ZDHHC15: variants seen among roughly 807,000 people sequenced by gnomAD.
The protein encoded by ZDHHC15 is zDHHC palmitoyltransferase 15, also known as palmitoyltransferase ZDHHC15.
Under a neutral mutation model 31.7 loss-of-function variants are expected in ZDHHC15, and 19 were observed. The ratio of observed to expected loss-of-function variants is 0.60; its 90% confidence interval spans 0.42 to 0.88. The LOEUF is 0.88. Among genes scored for constraint, ZDHHC15 ranks in the 40% least tolerant of loss-of-function variants. The pLI, the probability that ZDHHC15 is intolerant of heterozygous loss-of-function variation, is 0.00. For synonymous variants in ZDHHC15, 103 were observed against 90.0 expected (o/e 1.14, Z -0.82); for missense variants, 209 against 251.2 (o/e 0.83, Z 1.14).
At chrX:75,430,531 T>C (rs1479693125) in intron 5 of ZDHHC15, among the ~76,000 whole-genome samples, 1 of 111,809 alleles carries the variant, frequency 8.9e-6, no homozygotes, top group Non-Finnish European at 1.9e-5. Flanking sequence ...ATTGAATAAA[T>C]AAATAAATGA....
intron 3 of ZDHHC15, among the ~76,000 whole-genome samples, chrX:75,455,475 A>G (rs1359782097): frequency 8.9e-6 from 1 of 112,095 alleles, no homozygotes; most frequent in African/African-American, 3.2e-5. Flanking sequence ...CTTCGTGACT[A>G]AAACACCAAA....
intron 11 of ZDHHC15, among the ~76,000 whole-genome samples, chrX:75,377,304 C>T (rs1309344948): frequency 9.1e-6 from 1 of 110,380 alleles, no homozygotes; most frequent in African/African-American, 3.3e-5. Flanking sequence ...AGACACCAGC[C>T]TGGCCAACAG....
chrX:75,495,590 A>T (rs1456795989), intron 2 of ZDHHC15, among the ~76,000 whole-genome samples: 1 of 111,026 alleles, frequency 9.0e-6, no homozygotes, highest in African/African-American at 3.3e-5. Context: ...ACCATGGAAT[A>T]CCATGCAGCC....
intron 4 of ZDHHC15, among the ~76,000 whole-genome samples, chrX:75,444,803 A>G (rs1453101191): frequency 9.5e-6 from 1 of 104,981 alleles, no homozygotes; most frequent in Non-Finnish European, 1.9e-5. Context: ...TATATCCGTT[A>G]TAAAAAAAAA....
In ZDHHC15 at chrX:75,371,067, G is replaced by T. The variant is rs2083002315; in HGVS notation, c.*1911C>A. On this transcript the variant is annotated 3_prime_UTR_variant, in exon 12 of 12. Transcript: ENST00000373367. ...AGCTGCTCTGCCTGAATGCTTGGCAGAAGATGATTGATGGGAAAGAGGAAG... is the reference window on the plus strand; with the variant it reads ...AGCTGCTCTGCCTGAATGCTTGGCATAAGATGATTGATGGGAAAGAGGAAG... The T allele has an allele frequency of 9.0e-6, 1 of 111,633 alleles. No homozygotes were observed. Among genetic ancestry groups the T allele is most frequent in the African/African-American group, 3.3e-5 (1 of 30,713 alleles). The allele number at this position is 111,633 out of a possible 1,213,427, so 9.2% of individuals were successfully genotyped here. A position where few individuals can be genotyped will look rare whatever the true frequency, so the allele number is the denominator to read the frequency against.
chrX:75,453,822 T>C (rs186227054), intron 3 of ZDHHC15, among the ~76,000 whole-genome samples: 23 of 111,590 alleles, frequency 2.1e-4, no homozygotes, highest in Non-Finnish European at 4.0e-4. Flanking sequence ...GCAAAGGCCT[T>C]TGACAAAATT....
At chrX:75,440,286 T>A (rs780501667) in intron 4 of ZDHHC15, among the ~76,000 whole-genome samples, 1 of 111,293 alleles carries the variant, frequency 9.0e-6, no homozygotes, top group African/African-American at 3.3e-5. Flanking sequence ...TTTTCCTTTT[T>A]TTTTTGAGAT....
At chrX:75,436,119 T>G (rs2083848297) in intron 4 of ZDHHC15, among the ~76,000 whole-genome samples, 1 of 111,534 alleles carries the variant, frequency 9.0e-6, no homozygotes, top group South Asian at 3.8e-4. Flanking sequence ...AATTTTCTAG[T>G]TTGTGCCCAC....
At chrX:75,459,565 A>C (rs1277007915) in intron 3 of ZDHHC15, among the ~76,000 whole-genome samples, 2 of 111,342 alleles carry the variant, frequency 1.8e-5, no homozygotes, top group Non-Finnish European at 3.8e-5. Context: ...GGCTGCTTCT[A>C]TAAGCAGGAC....
At chrX:75,458,013 C>T (rs899368105) in intron 3 of ZDHHC15, among the ~76,000 whole-genome samples, 5 of 110,749 alleles carry the variant, frequency 4.5e-5, no homozygotes, top group East Asian at 2.8e-4. Flanking sequence ...TATTTATATG[C>T]CAAAAGACAT....
At chrX:75,442,516 G>A (rs907753975) in intron 4 of ZDHHC15, among the ~76,000 whole-genome samples, 5 of 111,576 alleles carry the variant, frequency 4.5e-5, no homozygotes, top group Non-Finnish European at 9.4e-5. Flanking sequence ...ATAACAGACA[G>A]AGAGCCAAAT....
intron 10 of ZDHHC15, among the ~76,000 whole-genome samples, chrX:75,399,156 GC>G (rs2083329198): frequency 9.0e-6 from 1 of 110,992 alleles, no homozygotes. Context: ...TTATGTGGTT[GC>G]CCGTTTTCAT....
chrX:75,402,784 C>T (rs1254730898), intron 10 of ZDHHC15, among the ~76,000 whole-genome samples: 1 of 111,090 alleles, frequency 9.0e-6, no homozygotes, highest in Admixed American at 9.5e-5. Flanking sequence ...GATGGATTCA[C>T]AGCCAAATTC....
intron 10 of ZDHHC15, among the ~76,000 whole-genome samples, chrX:75,410,263 G>T (rs1419890534): frequency 9.0e-6 from 1 of 110,784 alleles, no homozygotes; most frequent in African/African-American, 3.3e-5. Context: ...AACCAACAAA[G>T]TGAAGAGACA....
chrX:75,463,060 C>T (rs1448173809), intron 3 of ZDHHC15, among the ~76,000 whole-genome samples: 1 of 111,449 alleles, frequency 9.0e-6, no homozygotes, highest in African/African-American at 3.3e-5. Flanking sequence ...CAAATAAACA[C>T]AATCAGAAAT....
At chrX:75,423,262 G>T (rs1414151532) in intron 8 of ZDHHC15, among the ~76,000 whole-genome samples, 1 of 107,823 alleles carries the variant, frequency 9.3e-6, no homozygotes, top group African/African-American at 3.4e-5. Context: ...AGGTAAATTT[G>T]TGACTTGAGG....
chrX:75,402,426 A>C (rs2083367565), intron 10 of ZDHHC15, among the ~76,000 whole-genome samples: 1 of 111,232 alleles, frequency 9.0e-6, no homozygotes, highest in Admixed American at 9.6e-5. Context: ...GACATGAAAA[A>C]CCATTCAAAA....
chrX:75,474,785 C>T (rs370065666), intron 3 of ZDHHC15, among the ~76,000 whole-genome samples: 10 of 110,278 alleles, frequency 9.1e-5, no homozygotes, highest in Non-Finnish European at 1.3e-4. Flanking sequence ...TGGCCGGGCG[C>T]GGTGGCTCAT....
chrX:75,516,387 T>A (rs2085356931), intron 1 of ZDHHC15, among the ~76,000 whole-genome samples: 1 of 111,637 alleles, frequency 9.0e-6, no homozygotes, highest in African/African-American at 3.3e-5. Context: ...CCAAAAAAGA[T>A]ATATAGACCA....
Sources: allele counts gnomAD v4.1 joint callset (sites outside exome capture counted in the v4.1 genomes callset), GRCh38; gene constraint gnomAD v4.1.1; transcripts MANE v1.5; gene names NCBI Gene and HGNC (gene_info 2026-07-23, HGNC 2026-07-21).